The following COL8A1 variants were observed in gnomAD, a reference collection of about 807,000 sequenced individuals.
COL8A1 encodes the protein collagen alpha-1(VIII) chain.
A neutral mutation model predicts 42.7 loss-of-function variants in COL8A1; 21 were observed. The observed-to-expected ratio is 0.49, with a 90% confidence interval of 0.35 to 0.71. The LOEUF (loss-of-function observed/expected upper bound fraction) is 0.71. COL8A1 is among the 30% of genes least tolerant of loss of function. COL8A1 has a pLI of 0.01. For synonymous variants in COL8A1, 367 were observed against 369.1 expected (o/e 0.99, Z 0.06); for missense variants, 788 against 962.4 (o/e 0.82, Z 2.40).
chr3:99,680,111 C>T (rs947961733), intron 1 of COL8A1: 1 of 152,024 alleles, frequency 6.6e-6, no homozygotes, highest in Non-Finnish European at 1.5e-5. Context: ...TCATCATTTA[C>T]ATTAGGTATA....
chr3:99,767,967 G>T (rs752259174), intron 2 of COL8A1, among the ~76,000 whole-genome samples: 7 of 152,150 alleles, frequency 4.6e-5, no homozygotes, highest in Non-Finnish European at 1.0e-4. Context: ...TAAGGAGATT[G>T]TCATGAACAG....
chr3:99,795,338 C>G lies in COL8A1; in HGVS notation c.1437C>G (p.Leu479=). ...VPGLPGVPGL[L]GPKGEPGIPG... is the part of the protein sequence containing the mutation. Reference sequence around the variant, plus strand: ...GACTCCCTGGTGTTCCAGGGCTTCTCGGACCTAAGGGAGAGCCAGGAATCC... The same window carrying G: ...GACTCCCTGGTGTTCCAGGGCTTCTGGGACCTAAGGGAGAGCCAGGAATCC... Residue 479 remains leucine, a synonymous_variant, in exon 4 of 4, where the codon CTC becomes CTG. Coordinates refer to ENST00000652472, the MANE Select transcript of COL8A1 (RefSeq NM_020351.4). 1 of 1,597,910 alleles carries G rather than the reference C, an allele frequency of 6.3e-7. No homozygotes were observed. Among genetic ancestry groups the G allele is most frequent in the Non-Finnish European group, 8.5e-7 (1 of 1,172,024 alleles).
chr3:99,737,739 A>G (rs1035956444), intron 1 of COL8A1, among the ~76,000 whole-genome samples: 14 of 151,906 alleles, frequency 9.2e-5, no homozygotes, highest in Non-Finnish European at 1.6e-4. Context: ...TCTTTGTGGC[A>G]TTCTCTGTAT....
rs751862249 is a variant in COL8A1 at position 99,794,195 on chromosome 3, C to T, written c.329-35C>T. The T allele has an allele frequency of 5.7e-5, 79 of 1,380,630 alleles. No individual in the cohort carries two copies. The South Asian group carries it at 8.4e-4, about 15-fold the overall frequency. The allele number at this position is 1,380,630 out of a possible 1,614,324, so 85.5% of individuals were successfully genotyped here. On this transcript the variant is annotated intron_variant, in intron 3 of 3. Coordinates refer to ENST00000652472, the MANE Select transcript of COL8A1 (RefSeq NM_020351.4). The surrounding 1 kb of genome is among the most constrained non-coding windows in gnomAD (Gnocchi z 4.3). ...TCTACTAATCAATCTCTCTCTCTCC[C>T]CCCATACCCCTTCTCTCTCTTCTCT... is the stretch of plus-strand genomic sequence containing the variant.
intron 1 of COL8A1, among the ~76,000 whole-genome samples, chr3:99,653,292 C>T (rs754981402): frequency 2.6e-5 from 4 of 152,122 alleles, no homozygotes; most frequent in Admixed American, 6.5e-5. Context: ...ATTTAATGAA[C>T]TCTTTACTAT....
intron 1 of COL8A1, among the ~76,000 whole-genome samples, chr3:99,733,544 A>G (rs1940594095): frequency 6.6e-6 from 1 of 151,838 alleles, no homozygotes; most frequent in African/African-American, 2.4e-5. Context: ...AATCCAGTCT[A>G]TCATTGTTGG....
chr3:99,742,038 C>A (rs781464375), intron 1 of COL8A1, among the ~76,000 whole-genome samples: 42 of 152,136 alleles, frequency 2.8e-4, no homozygotes, highest in Admixed American at 3.3e-4. Context: ...TGGTTTCTTT[C>A]ATTGCTTCAT....
chr3:99,729,518 A>T (rs1940438648), intron 1 of COL8A1, among the ~76,000 whole-genome samples: 1 of 152,060 alleles, frequency 6.6e-6, no homozygotes, highest in Non-Finnish European at 1.5e-5. Context: ...TGTACTCAAA[A>T]GAAAGCCAGT....
intron 2 of COL8A1, among the ~76,000 whole-genome samples, chr3:99,758,614 T>G (rs1415151572): frequency 6.6e-6 from 1 of 152,164 alleles, no homozygotes; most frequent in Non-Finnish European, 1.5e-5. Flanking sequence ...AGAGCATGCT[T>G]GTAGAAAATG....
At chr3:99,642,829 T>C (rs1190124715) in intron 1 of COL8A1, among the ~76,000 whole-genome samples, 1 of 152,214 alleles carries the variant, frequency 6.6e-6, no homozygotes, top group Non-Finnish European at 1.5e-5. Context: ...CCCTATCAAA[T>C]GTAAAAGCTT....
At chr3:99,733,163 A>G (rs1437647964) in intron 1 of COL8A1, among the ~76,000 whole-genome samples, 2 of 115,206 alleles carry the variant, frequency 1.7e-5, no homozygotes, top group African/African-American at 3.2e-5. Context: ...TATTATTATT[A>G]TACTTTTAAG....
At chr3:99,674,096 C>A (rs532464847) in intron 1 of COL8A1, among the ~76,000 whole-genome samples, 3 of 152,018 alleles carry the variant, frequency 2.0e-5, no homozygotes, top group Non-Finnish European at 4.4e-5. Context: ...ATGCTATCAA[C>A]TTTTATGATC....
chr3:99,733,394 T>C (rs144581065), intron 1 of COL8A1, among the ~76,000 whole-genome samples: 8,815 of 117,656 alleles, frequency 0.075, 937 homozygotes, highest in African/African-American at 0.19. Flanking sequence ...TGAGAATATG[T>C]GGTGTTTGGT....
In COL8A1 at chr3:99,743,644, A is replaced by G. The variant is rs181987364; in HGVS notation, c.-128-1253A>G. On this transcript the variant is annotated intron_variant, in intron 1 of 3. Coordinates refer to ENST00000652472, the MANE Select transcript of COL8A1 (RefSeq NM_020351.4). ...TACTTAAAATTAAGTAAAACTAAAA[A>G]TTAAGTTCCTCCATCACACTAGCCA... 4.6e-4 allele frequency among the ~76,000 whole-genome samples: 70 copies of G among 152,344 alleles called. 1 individual carries two copies. Among genetic ancestry groups the G allele is most frequent in the African/African-American group, 1.7e-3 (69 of 41,582 alleles).
At chr3:99,755,381 T>A (rs1224040016) in intron 2 of COL8A1, among the ~76,000 whole-genome samples, 2 of 152,166 alleles carry the variant, frequency 1.3e-5, no homozygotes, top group Non-Finnish European at 2.9e-5. Context: ...AAACACTCCA[T>A]TAATTCACTC....
intron 1 of COL8A1, among the ~76,000 whole-genome samples, chr3:99,688,012 A>C (rs1279084915): frequency 1.3e-5 from 2 of 152,234 alleles, no homozygotes; most frequent in Non-Finnish European, 2.9e-5. Flanking sequence ...TATGATCATC[A>C]ATATTCATGC....
At chr3:99,792,869 TCTA>T (rs1368277503) in intron 3 of COL8A1, among the ~76,000 whole-genome samples, 1 of 152,186 alleles carries the variant, frequency 6.6e-6, no homozygotes, top group African/African-American at 2.4e-5. Flanking sequence ...ATTAAGCAAA[TCTA>T]CTAATTCTAA....
intron 1 of COL8A1, among the ~76,000 whole-genome samples, chr3:99,665,628 G>C (rs1009437274): frequency 7.3e-6 from 1 of 137,162 alleles, no homozygotes; most frequent in Non-Finnish European, 1.6e-5. Context: ...ATAGTGCCTT[G>C]TTTTGGAAGC....
intron 1 of COL8A1, among the ~76,000 whole-genome samples, chr3:99,663,391 T>C (rs1299341194): frequency 1.3e-5 from 2 of 152,164 alleles, no homozygotes; most frequent in Non-Finnish European, 2.9e-5. Context: ...CTGTTTGCTC[T>C]AGGGCCTCTC....
Sources: gnomAD v4.1 joint callset for allele counts (sites outside exome capture counted in the v4.1 genomes callset) on GRCh38, gnomAD v4.1.1 for gene constraint, Gnocchi (gnomAD v3.1) non-coding constraint, MANE v1.5 for transcripts, NCBI Gene and HGNC (gene_info 2026-07-23, HGNC 2026-07-21) for gene names.